LRP1B: variants seen among roughly 807,000 people sequenced by gnomAD.
LRP1B encodes LDL receptor related protein 1B.
A neutral mutation model predicts 556.6 loss-of-function variants in LRP1B; 217 were observed. The ratio of observed to expected loss-of-function variants is 0.39; its 90% CI spans 0.35 to 0.44. LRP1B has a LOEUF of 0.44. LRP1B is among the 20% of genes least tolerant of loss of function. LRP1B has a pLI of 1.00. For synonymous variants in LRP1B, 2,047 were observed against 1,865.8 expected, an observed-to-expected ratio of 1.10 and a Z score of -2.50; for missense variants, 5,053 against 5,620.8, an observed-to-expected ratio of 0.90 and a Z score of 3.23.
intron 66 of LRP1B, among the ~76,000 whole-genome samples, chr2:140,402,592 A>G (rs1371090310): frequency 6.6e-6 from 1 of 152,202 alleles, no homozygotes; most frequent in Non-Finnish European, 1.5e-5. Context: ...TAGCTGGAAC[A>G]CTGGGACAGG....
At chr2:141,060,021 AG>A (rs1699293891) in intron 8 of LRP1B, among the ~76,000 whole-genome samples, 1 of 151,826 alleles carries the variant, frequency 6.6e-6, no homozygotes, top group African/African-American at 2.4e-5. Context: ...ACAGATTTGC[AG>A]TTAAAGAGAA....
intron 2 of LRP1B, among the ~76,000 whole-genome samples, chr2:141,582,576 C>T (rs80254574): frequency 0.02 from 3,039 of 151,470 alleles, 54 homozygotes; most frequent in South Asian, 0.033. Flanking sequence ...ATTTGTGTGG[C>T]TCTGAAATCT....
intron 77 of LRP1B, among the ~76,000 whole-genome samples, chr2:140,344,140 A>G (rs1681534243): frequency 6.6e-6 from 1 of 151,858 alleles, no homozygotes; most frequent in Admixed American, 6.6e-5. Context: ...GTAAATTTAT[A>G]CAAAAATATT....
At chr2:140,797,331 T>C (rs952816092) in intron 32 of LRP1B, among the ~76,000 whole-genome samples, 2 of 152,188 alleles carry the variant, frequency 1.3e-5, no homozygotes, top group South Asian at 2.1e-4. Flanking sequence ...CATAAATAAT[T>C]CACGCTTTAA....
At chr2:141,645,136 A>G (rs973933169) in intron 2 of LRP1B, among the ~76,000 whole-genome samples, 1 of 152,158 alleles carries the variant, frequency 6.6e-6, no homozygotes, top group Non-Finnish European at 1.5e-5. Flanking sequence ...TAAGTTATAA[A>G]GAAAGTGAGG....
rs551887641 is a variant in LRP1B at position 140,305,730 on chromosome 2, C to T, written c.12806-7761G>A. 4.8e-3 allele frequency among the ~76,000 whole-genome samples: 723 copies of T among 152,066 alleles called. 1 individual carries two copies. Among genetic ancestry groups the T allele is most frequent in the Non-Finnish European group, 7.8e-3 (533 of 67,990 alleles). On this transcript the variant is annotated intron_variant, in intron 83 of 90. Transcript: ENST00000389484. The stretch of plus-strand genomic sequence containing the variant: ...GAGAGAGGGCATCCCTGTCTTGTGC[C>T]GGTTTTCAAAGGGAATGCTTCTAGT...
chr2:140,583,751 T>A (rs980429222), intron 43 of LRP1B, among the ~76,000 whole-genome samples: 3 of 149,330 alleles, frequency 2.0e-5, no homozygotes, highest in African/African-American at 7.3e-5. Flanking sequence ...CTAGAAATAA[T>A]TTAGCATCTT....
chr2:140,861,897 G>A (rs564798086), intron 27 of LRP1B, among the ~76,000 whole-genome samples: 17 of 152,158 alleles, frequency 1.1e-4, no homozygotes, highest in African/African-American at 1.9e-4. Context: ...GTGTGTGTGC[G>A]CATGCACACG....
chr2:140,473,339 C>G (rs1202899614), intron 60 of LRP1B, among the ~76,000 whole-genome samples: 1 of 151,988 alleles, frequency 6.6e-6, no homozygotes, highest in Non-Finnish European at 1.5e-5. Flanking sequence ...AGTCTTGATG[C>G]ATTTTCAAAA....
At chr2:141,430,826 C>G (rs1221956021) in intron 3 of LRP1B, among the ~76,000 whole-genome samples, 4 of 151,982 alleles carry the variant, frequency 2.6e-5, no homozygotes, top group Non-Finnish European at 5.9e-5. Flanking sequence ...GGTTCCTAAT[C>G]TGACTTTAAA....
chr2:142,085,938 C>T (rs1007274052), intron 1 of LRP1B, among the ~76,000 whole-genome samples: 1 of 152,180 alleles, frequency 6.6e-6, no homozygotes, highest in African/African-American at 2.4e-5. Flanking sequence ...CTTGTTTGAT[C>T]CACCTCTCAG....
chr2:140,867,647 T>C lies in LRP1B; in HGVS notation c.4522A>G (p.Lys1508Glu). 1 of 1,613,588 alleles carries C rather than the reference T, an allele frequency of 6.2e-7. No individual in the cohort carries two copies. The change falls in exon 27 of 91, where the codon AAA becomes GAA. Residue 1508 changes from lysine to glutamate, a missense_variant. Coordinates refer to ENST00000389484, the MANE Select transcript of LRP1B (RefSeq NM_018557.3). ...AGGTCAAATGGCTGTGCACTGGTTTTCTGAATCACACTGACATTCTGCCCT... is the reference window on the plus strand; with the variant it reads ...AGGTCAAATGGCTGTGCACTGGTTTCCTGAATCACACTGACATTCTGCCCT... ...WTGQNVSVIQ[K>E]TSAQPFDLQI...
chr2:140,530,428 G>T, intron 47 of LRP1B, among the ~76,000 whole-genome samples: 1 of 151,956 alleles, frequency 6.6e-6, no homozygotes. Context: ...GAGATATTTG[G>T]TGGAAACACA....
At chr2:141,079,012 C>T (rs1487040385) in intron 7 of LRP1B, among the ~76,000 whole-genome samples, 2 of 152,096 alleles carry the variant, frequency 1.3e-5, no homozygotes, top group Non-Finnish European at 2.9e-5. Context: ...TTTAAAACTC[C>T]AGGTCTCTTA....
At chr2:140,966,095 G>A (rs1191039136) in intron 18 of LRP1B, among the ~76,000 whole-genome samples, 1 of 152,162 alleles carries the variant, frequency 6.6e-6, no homozygotes, top group African/African-American at 2.4e-5. Context: ...GGGTCAAATG[G>A]TATTTCTAGT....
chr2:141,728,054 T>A (rs765126518), intron 2 of LRP1B, among the ~76,000 whole-genome samples: 13 of 152,230 alleles, frequency 8.5e-5, no homozygotes, highest in South Asian at 6.2e-4. Flanking sequence ...AAGCCCGTAT[T>A]TCAGAGAGTA....
At chr2:140,598,149 G>T (rs79067009) in intron 43 of LRP1B, among the ~76,000 whole-genome samples, 7,096 of 152,232 alleles carry the variant, frequency 0.047, 292 homozygotes, top group East Asian at 0.23. Flanking sequence ...TGAACCCAGA[G>T]AAAAGAGAGT....
At chr2:141,913,182 A>G (rs889449057) in intron 1 of LRP1B, among the ~76,000 whole-genome samples, 1 of 152,160 alleles carries the variant, frequency 6.6e-6, no homozygotes, top group African/African-American at 2.4e-5. Flanking sequence ...CCACTGAACC[A>G]TATATTACAA....
At chr2:141,688,923 G>T (rs898303620) in intron 2 of LRP1B, among the ~76,000 whole-genome samples, 2 of 151,852 alleles carry the variant, frequency 1.3e-5, no homozygotes, top group Admixed American at 6.6e-5. Context: ...CAGTTCATAT[G>T]CAGTTCAAGA....
Sources: allele counts gnomAD v4.1 joint callset (sites outside exome capture counted in the v4.1 genomes callset), GRCh38; gene constraint gnomAD v4.1.1; transcripts MANE v1.5; gene names NCBI Gene and HGNC (gene_info 2026-07-23, HGNC 2026-07-21).